OSBPL9: variants seen among roughly 807,000 people sequenced by gnomAD.
OSBPL9 encodes the protein oxysterol binding protein like 9.
In OSBPL9, 40 loss-of-function variants were observed where a neutral mutation model predicts 106.6. The observed-to-expected ratio is 0.38, with a 90% CI of 0.29 to 0.49. OSBPL9 has a LOEUF of 0.49. Ranked by LOEUF, OSBPL9 falls within the 20% of genes least tolerant of loss-of-function variation. The pLI is 0.97. For synonymous variants in OSBPL9, 269 were observed against 295.4 expected (o/e 0.91, Z 0.92); for missense variants, 609 against 887.2 (o/e 0.69, Z 3.98).
At chr1:51,624,521 A>G (rs540946952) in intron 1 of OSBPL9, among the ~76,000 whole-genome samples, 80 of 152,018 alleles carry the variant, frequency 5.3e-4, no homozygotes, top group Middle Eastern at 3.4e-3. Context: ...CCGGAAGGCA[A>G]AACCCGTGAG....
In OSBPL9 at chr1:51,639,206, C is replaced by T. The variant is rs147697207; in HGVS notation, c.112-12785C>T. On this transcript the variant is annotated intron_variant, in intron 1 of 23. Transcript: ENST00000428468. ...TCTTCCTGCAAAATTCCCTCCTGTC[C>T]CTTTCCTGTCTGTCCCATGCCCTAG... Among the ~76,000 whole-genome samples, 5 of 152,202 alleles carry T rather than the reference C, an allele frequency of 3.3e-5. No individual in the cohort carries two copies. The East Asian group carries it at 9.6e-4, about 29-fold the overall frequency.
intron 1 of OSBPL9, among the ~76,000 whole-genome samples, chr1:51,589,615 T>G (rs1645263409): frequency 6.6e-6 from 1 of 151,884 alleles, no homozygotes; most frequent in South Asian, 2.1e-4. Context: ...CATATGAATA[T>G]CTAAGAGAAG....
intron 4 of OSBPL9, among the ~76,000 whole-genome samples, chr1:51,732,768 G>A (rs1009973754): frequency 1.3e-5 from 2 of 152,152 alleles, no homozygotes; most frequent in African/African-American, 4.8e-5. Context: ...TTTGGAATGG[G>A]TTGCCGCTCT....
chr1:51,773,078 A>G (rs1674297717), intron 14 of OSBPL9, among the ~76,000 whole-genome samples: 3 of 152,126 alleles, frequency 2.0e-5, no homozygotes, highest in African/African-American at 4.8e-5. Flanking sequence ...AGGGTTCTCT[A>G]TGCAAATTGG....
Position 51,786,514 on chromosome 1 carries a change from A to G in OSBPL9, c.1909-12A>G, listed in dbSNP as rs372171665. 39 of 1,564,360 alleles carry G rather than the reference A, an allele frequency of 2.5e-5. No homozygotes were observed. Among genetic ancestry groups the G allele is most frequent in the African/African-American group, 9.5e-5 (7 of 73,724 alleles). On this transcript the variant is annotated splice_polypyrimidine_tract_variant and intron_variant, in intron 21 of 23. Transcript: ENST00000428468. Reference sequence around the variant, plus strand: ...ATGGGTCTAGTTCCCATCCACCTCTATTGTTTTCTAGGAAAATACAGTCTT... The same window carrying G: ...ATGGGTCTAGTTCCCATCCACCTCTGTTGTTTTCTAGGAAAATACAGTCTT...
intron 1 of OSBPL9, among the ~76,000 whole-genome samples, chr1:51,597,429 G>A (rs199546732): frequency 0.087 from 9,552 of 110,292 alleles, 369 homozygotes; most frequent in Non-Finnish European, 0.13. Flanking sequence ...ATATATGTGT[G>A]TGTGTGTGTG....
chr1:51,785,631 G>A (rs1677425551), intron 20 of OSBPL9, 177 bp from the exon 21 acceptor site: 1 of 575,392 alleles, frequency 1.7e-6, no homozygotes, highest in Non-Finnish European at 3.1e-6. Flanking sequence ...TAAGCGTCCT[G>A]TTGAAGGCCC....
At chr1:51,621,523 A>T (rs929439159) in intron 1 of OSBPL9, among the ~76,000 whole-genome samples, 2 of 151,674 alleles carry the variant, frequency 1.3e-5, no homozygotes, top group African/African-American at 4.9e-5. Context: ...AAAAAAAAAG[A>T]AAGTTAAGGT....
chr1:51,786,403 G>T, intron 21 of OSBPL9, 123 bp from the exon 22 acceptor site: 1 of 633,226 alleles, frequency 1.6e-6, no homozygotes. Flanking sequence ...GAAATTAACA[G>T]GAGGAGCCAG....
intron 2 of OSBPL9, among the ~76,000 whole-genome samples, chr1:51,659,457 A>G (rs998697604): frequency 2.0e-5 from 3 of 152,114 alleles, no homozygotes; most frequent in Admixed American, 2.0e-4. Context: ...AGACAGATTG[A>G]GAATTAATGA....
rs149246777 is a variant in OSBPL9, at chr1:51,602,083, C to T, written c.-353+3890C>T. Among the ~76,000 whole-genome samples the T allele has an allele frequency of 4.5e-3, 576 of 127,466 alleles. 4 individuals carry two copies. The highest frequency in any genetic ancestry group is 0.016 in the African/African-American group (528 of 33,550). 83.6% of individuals were successfully genotyped at this position (127,466 alleles called of 152,430 possible). On this transcript the variant is annotated intron_variant, in intron 2 of 25. Transcript: ENST00000371714. ...TCACCCAGGTAGGACTGCAGTGGCGCGATCTCGGCTCACTGCAAGCTCCGC... is the reference window on the plus strand; with the variant it reads ...TCACCCAGGTAGGACTGCAGTGGCGTGATCTCGGCTCACTGCAAGCTCCGC...
intron 8 of OSBPL9, among the ~76,000 whole-genome samples, chr1:51,752,246 C>T (rs544847992): frequency 5.3e-4 from 80 of 151,496 alleles, no homozygotes; most frequent in Non-Finnish European, 9.9e-4. Context: ...CCTCCACCCC[C>T]GCCCCCGGCT....
intron 4 of OSBPL9, among the ~76,000 whole-genome samples, chr1:51,716,212 A>G (rs1164825510): frequency 6.6e-6 from 1 of 152,258 alleles, no homozygotes; most frequent in African/African-American, 2.4e-5. Context: ...TGGAGAAGAT[A>G]GGACATTTAG....
rs1678423827 is a variant in OSBPL9, at chr1:51,789,184, C to T, written c.*1395C>T. 1.3e-6 allele frequency: 2 copies of T among 1,542,494 alleles called. No individual in the cohort carries two copies. Among genetic ancestry groups the T allele is most frequent in the African/African-American group, 2.7e-5 (2 of 73,502 alleles). ...TATAACTAACTCCATAAAATACAAA[C>T]AAACACATTTTAAAATACACATTGC... On this transcript the variant is annotated 3_prime_UTR_variant, in exon 24 of 24. Coordinates refer to ENST00000428468, the MANE Select transcript of OSBPL9 (RefSeq NM_024586.6).
intron 5 of OSBPL9, 31 bp downstream of exon 5, chr1:51,745,662 A>T: frequency 6.9e-7 from 1 of 1,456,658 alleles, no homozygotes; most frequent in Non-Finnish European, 9.0e-7. Context: ...TTAAATTTAT[A>T]TAAATAGAAA....
At chr1:51,571,035 G>C in the OSBPL9 span, among the ~76,000 whole-genome samples, 19 of 152,096 alleles carry the variant, frequency 1.2e-4, no homozygotes, top group Non-Finnish European at 2.1e-4. Context: ...TGGCCAGGCT[G>C]GTCTCGAACT....
the OSBPL9 span, among the ~76,000 whole-genome samples, chr1:51,518,713 G>A: frequency 6.6e-6 from 1 of 152,130 alleles, no homozygotes; most frequent in Non-Finnish European, 1.5e-5. Context: ...CTGCGCGTCC[G>A]GCTCTGGAAG....
the OSBPL9 span, among the ~76,000 whole-genome samples, chr1:51,568,460 C>G: frequency 6.6e-6 from 1 of 152,194 alleles, no homozygotes; most frequent in African/African-American, 2.4e-5. Context: ...TGTAAAAACT[C>G]TAGAGGGAAC....
intron 1 of OSBPL9, among the ~76,000 whole-genome samples, chr1:51,633,848 C>T (rs998745251): frequency 2.0e-5 from 3 of 152,140 alleles, no homozygotes; most frequent in Non-Finnish European, 2.9e-5. Context: ...TGGTCTCAAA[C>T]TTCAGGGCTC....
Sources: allele counts gnomAD v4.1 joint callset (sites outside exome capture counted in the v4.1 genomes callset), GRCh38; gene constraint gnomAD v4.1.1; transcripts MANE v1.5; gene names NCBI Gene and HGNC (gene_info 2026-07-23, HGNC 2026-07-21).